Variants in DEFB1 observed in about 807,000 individuals in gnomAD.
DEFB1 encodes the protein defensin beta 1.
Under a neutral mutation model 2.6 loss-of-function variants are expected in DEFB1, and 4 were observed. That is an observed-to-expected ratio of 1.53 (90% confidence interval 0.76 to 3.51). The LOEUF (loss-of-function observed/expected upper bound fraction) is 3.51. DEFB1 is among the 30% of genes most tolerant of loss of function. The pLI, the probability that DEFB1 is intolerant of heterozygous loss-of-function variation, is 0.01. For missense variants in DEFB1, 162 were observed against 76.9 expected, an observed-to-expected ratio of 2.11 and a Z score of -4.14; for synonymous variants, 56 against 28.5, an observed-to-expected ratio of 1.96 and a Z score of -3.07.
chr8:6,874,359 TAA>T (rs11356431), intron 1 of DEFB1, among the ~76,000 whole-genome samples: 6 of 152,040 alleles, frequency 3.9e-5, no homozygotes, highest in Non-Finnish European at 5.9e-5. Flanking sequence ...ATTACTTTTT[TAA>T]AAAAAATTAA....
intron 1 of DEFB1, among the ~76,000 whole-genome samples, chr8:6,874,874 C>T (rs1027139537): frequency 2.0e-5 from 3 of 151,668 alleles, no homozygotes; most frequent in East Asian, 1.9e-4. Flanking sequence ...CCCAGCCACT[C>T]GGGAGGCTGA....
chr8:6,877,149 T>C (rs2117220343), intron 1 of DEFB1, among the ~76,000 whole-genome samples: 1 of 152,274 alleles, frequency 6.6e-6, no homozygotes, highest in East Asian at 1.9e-4. Context: ...GGATAAAACA[T>C]GTTCCCGATT....
intron 1 of DEFB1, among the ~76,000 whole-genome samples, chr8:6,874,153 A>ACGCACG (rs1554540636): frequency 7.0e-6 from 1 of 141,936 alleles, no homozygotes; most frequent in African/African-American, 2.6e-5. Flanking sequence ...ACACGCACAC[A>ACGCACG]CACGCACATG....
chr8:6,875,064 CCA>C (rs61101914), intron 1 of DEFB1, among the ~76,000 whole-genome samples: 21,278 of 135,336 alleles, frequency 0.16, 1,665 homozygotes, highest in African/African-American at 0.24. Flanking sequence ...CATACCGAAG[CCA>C]CACACACACA....
chr8:6,873,747 A>G (rs967207421), intron 1 of DEFB1, among the ~76,000 whole-genome samples: 2 of 146,664 alleles, frequency 1.4e-5, no homozygotes, highest in Non-Finnish European at 3.0e-5. Flanking sequence ...TGACAAGATC[A>G]CATTCCATTC....
At chr8:6,873,616 G>C (rs1461305294) in intron 1 of DEFB1, among the ~76,000 whole-genome samples, 1 of 152,176 alleles carries the variant, frequency 6.6e-6, no homozygotes, top group Non-Finnish European at 1.5e-5. Context: ...AGAAAGCCAA[G>C]TACCACATGT....
chr8:6,876,956 T>C (rs1159812018), intron 1 of DEFB1, among the ~76,000 whole-genome samples: 1 of 151,952 alleles, frequency 6.6e-6, no homozygotes, highest in Admixed American at 6.5e-5. Flanking sequence ...GAGGCATAAT[T>C]GGAATAAATT....
chr8:6,871,754 C>T (rs760928693), intron 1 of DEFB1, among the ~76,000 whole-genome samples: 47 of 152,280 alleles, frequency 3.1e-4, no homozygotes, highest in Non-Finnish European at 6.2e-4. Flanking sequence ...CCCAGGGAGG[C>T]GGCGGTCATC....
rs775164893 is a variant in DEFB1, at chr8:6,870,670, T to C, written c.*11A>G. The C allele has an allele frequency of 1.5e-5, 24 of 1,606,930 alleles. No individual in the cohort carries two copies. The South Asian group carries it at 2.6e-4, about 17-fold the overall frequency. ...TTCACTTCTGCGTCATTTCTTCTGG[T>C]CACTCCCAGCTCACTTGCAGCACTT... is the stretch of plus-strand genomic sequence containing the variant. On this transcript the variant is annotated 3_prime_UTR_variant, in exon 2 of 2. Transcript: ENST00000297439.
At position 6,870,944 on chromosome 8, in the gene DEFB1, A is replaced by G; in HGVS notation, c.62-118T>C. On this transcript the variant is annotated intron_variant, in intron 1 of 1. Transcript: ENST00000297439. The stretch of plus-strand genomic sequence containing the variant: ...ACACCGGAGAGTCTTCTCTTCCAAG[A>G]AATTGGCCCATGATTGATCTTTGGG... 6 of 1,165,876 alleles carry G rather than the reference A, an allele frequency of 5.1e-6. No homozygotes were observed. The South Asian group carries it at 9.8e-5, about 19-fold the overall frequency. 72.2% of individuals were successfully genotyped at this position (1,165,876 alleles called of 1,614,324 possible).
rs142598317 is a variant in DEFB1, at chr8:6,871,979, C to T, written c.62-1153G>A. Among the ~76,000 whole-genome samples, 212 of 152,314 alleles carry T rather than the reference C, an allele frequency of 1.4e-3. 5 individuals carry two copies. The East Asian group carries it at 0.038, about 27-fold the overall frequency. The stretch of plus-strand genomic sequence containing the variant: ...GACAGTACATTCTCATGTTGCAGAT[C>T]TCTGTTGGAAAGATGGCTTTCACAC... On this transcript the variant is annotated intron_variant, in intron 1 of 1. Coordinates refer to ENST00000297439, the MANE Select transcript of DEFB1 (RefSeq NM_005218.4).
chr8:6,873,020 T>C (rs930054101), intron 1 of DEFB1, among the ~76,000 whole-genome samples: 3 of 152,256 alleles, frequency 2.0e-5, no homozygotes, highest in African/African-American at 7.2e-5. Flanking sequence ...AGAAGGTTTA[T>C]ACATCTTTGT....
intron 1 of DEFB1, among the ~76,000 whole-genome samples, chr8:6,876,334 G>C (rs1053751998): frequency 2.6e-5 from 4 of 152,066 alleles, no homozygotes; most frequent in Non-Finnish European, 4.4e-5. Flanking sequence ...AAATTAGCCA[G>C]GCTTGGTGGC....
Position 6,877,869 on chromosome 8 carries a change from G to A in DEFB1, c.-12C>T. On this transcript the variant is annotated 5_prime_UTR_variant, in exon 1 of 2. Transcript: ENST00000297439. ...TAGGAAGTTCTCATGGCGACTGGCAGGCAACACCCAGGATTTCAGGAACTG... is the reference window on the plus strand; with the variant it reads ...TAGGAAGTTCTCATGGCGACTGGCAAGCAACACCCAGGATTTCAGGAACTG... 4 of 1,613,864 alleles carry A rather than the reference G, an allele frequency of 2.5e-6. No individual in the cohort carries two copies. Among genetic ancestry groups the A allele is most frequent in the Non-Finnish European group, 2.5e-6 (3 of 1,179,794 alleles).
chr8:6,877,698 C>G lies in DEFB1; in HGVS notation c.61+99G>C. 3 of 1,101,590 alleles carry G rather than the reference C, an allele frequency of 2.7e-6. No homozygotes were observed. In the East Asian group the frequency reaches 7.3e-5, roughly 27 times the overall value. 68.2% of individuals were successfully genotyped at this position (1,101,590 alleles called of 1,614,324 possible). A position where few individuals can be genotyped will look rare whatever the true frequency, so the allele number is the denominator to read the frequency against. On this transcript the variant is annotated intron_variant, in intron 1 of 1. Transcript: ENST00000297439. ...CGGGATGCTTTCCTGCTGCTTGTTC[C>G]TCGTCCCTTGGGACACGGAGGCAGC...
rs886874188 is a variant in DEFB1 at position 6,870,648 on chromosome 8, A to G, written c.*33T>C. The G allele has an allele frequency of 1.3e-6, 2 of 1,595,712 alleles. No homozygotes were observed. Among genetic ancestry groups the G allele is most frequent in the African/African-American group, 2.7e-5 (2 of 73,814 alleles). The stretch of plus-strand genomic sequence containing the variant: ...AGAATGCTTATAAAAAGTTCATTTC[A>G]CTTCTGCGTCATTTCTTCTGGTCAC... On this transcript the variant is annotated 3_prime_UTR_variant, in exon 2 of 2. Coordinates refer to ENST00000297439, the MANE Select transcript of DEFB1 (RefSeq NM_005218.4).
chr8:6,875,210 A>G (rs1393251366), intron 1 of DEFB1, among the ~76,000 whole-genome samples: 2 of 152,176 alleles, frequency 1.3e-5, no homozygotes, highest in African/African-American at 4.8e-5. Context: ...ATGTAAAGAA[A>G]GTCTTCTTAA....
In DEFB1 at chr8:6,870,740, G is replaced by C; in HGVS notation, c.148C>G (p.Pro50Ala). 4 of 1,614,206 alleles carry C rather than the reference G, an allele frequency of 2.5e-6. No individual in the cohort carries two copies. The highest frequency in any genetic ancestry group is 3.4e-6 in the Non-Finnish European group (4 of 1,180,046). Residue 50 changes from proline to alanine, a missense_variant, in exon 2 of 2, where the codon CCG (proline) becomes GCG (alanine). Transcript: ENST00000297439. Reference sequence around the variant, plus strand: ...GTGCCTTGAATTTTGGTAAAGATCGGGCAGGCAGAATAGAGACATTGCCCT... The same window carrying C: ...GTGCCTTGAATTTTGGTAAAGATCGCGCAGGCAGAATAGAGACATTGCCCT... ...SGGQCLYSAC[P>A]IFTKIQGTCY...
intron 1 of DEFB1, among the ~76,000 whole-genome samples, chr8:6,874,482 G>T (rs1806444014): frequency 6.6e-6 from 1 of 152,132 alleles, no homozygotes; most frequent in Non-Finnish European, 1.5e-5. Flanking sequence ...AGACACATTT[G>T]GAAAAAAGGT....
Sources: gnomAD v4.1 joint callset for allele counts (sites outside exome capture counted in the v4.1 genomes callset) on GRCh38, gnomAD v4.1.1 for gene constraint, MANE v1.5 for transcripts, NCBI Gene and HGNC (gene_info 2026-07-23, HGNC 2026-07-21) for gene names.